TP53I3: variants seen among roughly 807,000 people sequenced by gnomAD.
TP53I3 encodes the protein quinone oxidoreductase PIG3.
In TP53I3, 32 loss-of-function variants were observed where a neutral mutation model predicts 27.7. That is an observed-to-expected ratio of 1.16 (90% CI 0.87 to 1.55). The LOEUF (loss-of-function observed/expected upper bound fraction) is 1.55. Among genes scored for constraint, TP53I3 ranks in the 40% most tolerant of loss-of-function variants. The pLI is 0.00. For synonymous variants in TP53I3, 138 were observed against 167.8 expected, an observed-to-expected ratio of 0.82 and a Z score of 1.37; for missense variants, 372 against 412.3, an observed-to-expected ratio of 0.90 and a Z score of 0.85.
In TP53I3 at chr2:24,080,956, G is replaced by T; in HGVS notation, c.482C>A (p.Thr161Asn). The change falls in exon 3 of 5, where the codon ACC (threonine) becomes AAC (asparagine). Residue 161 changes from threonine (T) to asparagine (N), a missense_variant. By Grantham distance (65) the Thr-to-Asn change is moderately conservative (BLOSUM62 0). Coordinates refer to ENST00000238721, the MANE Select transcript of TP53I3 (RefSeq NM_004881.5). This position sits in a 1 kb window ranked among gnomAD's most constrained non-coding sequence, Gnocchi z 4.7. The part of the protein sequence containing the change: ...SGVGTAAIQL[T>N]RMAGAIPLVT... ...CAGAGGAATAGCTCCAGCCATCCGG[G>T]TGAGTTGGATAGCAGCTGTGCCCAC... is the stretch of plus-strand genomic sequence containing the variant. 6.2e-7 allele frequency: 1 copy of T among 1,614,176 alleles called. No homozygotes were observed. The highest frequency in any genetic ancestry group is 1.3e-5 in the African/African-American group (1 of 75,032).
At chr2:24,083,748 A>T (rs1319335462) in intron 1 of TP53I3, among the ~76,000 whole-genome samples, 2 of 152,170 alleles carry the variant, frequency 1.3e-5, no homozygotes, top group Non-Finnish European at 2.9e-5. Context: ...CGGGACTCTC[A>T]GAGTGGAAAG....
At chr2:24,079,395 C>T in intron 4 of TP53I3, 49 bp downstream of exon 4, 1 of 1,587,870 alleles carries the variant, frequency 6.3e-7, no homozygotes, top group Non-Finnish European at 8.6e-7. Context: ...GTAAATGAAC[C>T]ACACTTTTCT....
rs768752868 is a variant in TP53I3 at position 24,082,982 on chromosome 2, T to C, written c.309A>G (p.Glu103=). The change falls in exon 2 of 5, where the codon GAA becomes GAG. Residue 103 remains glutamate, a synonymous_variant. Transcript: ENST00000238721. ...CCTCTGGGATAGGCATGAGGAGCCC[T>C]TCGGGGACAGTGACGTACTGAGCCT... ...GGQAQYVTVP[E]GLLMPIPEGL... 1 of 1,614,182 alleles carries C rather than the reference T, an allele frequency of 6.2e-7. No homozygotes were observed. Among genetic ancestry groups the C allele is most frequent in the Non-Finnish European group, 8.5e-7 (1 of 1,180,014 alleles).
chr2:24,077,836 T>C lies in TP53I3; in HGVS notation c.817-75A>G. ...GCCCTCCTCATCCTCCTCAGCCTTCTTGCTCTCTCTGAAGCCACGTATCTG... is the reference window on the plus strand; with the variant it reads ...GCCCTCCTCATCCTCCTCAGCCTTCCTGCTCTCTCTGAAGCCACGTATCTG... On this transcript the variant is annotated intron_variant, in intron 4 of 4. Coordinates refer to ENST00000238721, the MANE Select transcript of TP53I3 (RefSeq NM_004881.5). The surrounding 1 kb of genome is among the most constrained non-coding windows in gnomAD (Gnocchi z 5.5). The C allele has an allele frequency of 6.6e-7, 1 of 1,511,728 alleles. No homozygotes were observed. Among genetic ancestry groups the C allele is most frequent in the South Asian group, 1.3e-5 (1 of 79,168 alleles). The allele number at this position is 1,511,728 out of a possible 1,614,324, so 93.6% of individuals were successfully genotyped here. A position where few individuals can be genotyped will look rare whatever the true frequency, so the allele number is the denominator to read the frequency against.
Position 24,079,527 on chromosome 2 carries a change from C to G in TP53I3, c.733G>C (p.Asp245His). Residue 245 changes from aspartate to histidine, a missense_variant, in exon 4 of 5, where the codon GAC (aspartate) becomes CAC (histidine). By Grantham distance (81) the Asp-to-His change is moderately conservative (BLOSUM62 -1). Transcript: ENST00000238721. The part of the protein sequence containing the change: ...WVLYGLMGGG[D>H]INGPLFSKLL... ...TTTGAAAACAGGGGCCCATTGATGT[C>G]ACCTCCTCCCATCAGACCATAGAGA... 15 of 1,614,176 alleles carry G rather than the reference C, an allele frequency of 9.3e-6. No homozygotes were observed. Among genetic ancestry groups the G allele is most frequent in the Admixed American group, 1.7e-5 (1 of 60,016 alleles).
rs1249339420 is a variant in TP53I3 at position 24,080,984 on chromosome 2, C to A, written c.454G>T (p.Gly152Cys). ...AGTTGGATAGCAGCTGTGCCCACAC[C>A]ACTCAGTCCTGCATGGATTAGCACA... ...DYVLIHAGLS[G>C]VGTAAIQLTR... The change falls in exon 3 of 5, where the codon GGT becomes TGT. Residue 152 changes from glycine (G) to cysteine (C), a missense_variant. Transcript: ENST00000238721. The surrounding 1 kb of genome is among the most constrained non-coding windows in gnomAD (Gnocchi z 4.7). 1 of 1,614,202 alleles carries A rather than the reference C, an allele frequency of 6.2e-7. No homozygotes were observed. Among genetic ancestry groups the A allele is most frequent in the Admixed American group, 1.7e-5 (1 of 60,014 alleles).
Position 24,083,167 on chromosome 2 carries a change from G to A in TP53I3, c.139-15C>T. 1 of 1,585,118 alleles carries A rather than the reference G, an allele frequency of 6.3e-7. No individual in the cohort carries two copies. Among genetic ancestry groups the A allele is most frequent in the East Asian group, 2.3e-5 (1 of 44,310 alleles). Reference sequence around the variant, plus strand: ...TGGCCTTGTCTCTGCAGAGAAAGAAGTGCACTAAGTGGTGAGCATGATCAG... The same window carrying A: ...TGGCCTTGTCTCTGCAGAGAAAGAAATGCACTAAGTGGTGAGCATGATCAG... On this transcript the variant is annotated splice_polypyrimidine_tract_variant and intron_variant, in intron 1 of 4. Transcript: ENST00000238721.
chr2:24,077,882 T>A lies in TP53I3; in HGVS notation c.817-121A>T. 1 of 1,047,190 alleles carries A rather than the reference T, an allele frequency of 9.5e-7. No homozygotes were observed. The highest frequency in any genetic ancestry group is 1.4e-6 in the Non-Finnish European group (1 of 720,920). 64.9% of individuals were successfully genotyped at this position (1,047,190 alleles called of 1,614,324 possible). ...ATCTGAAAAAGCACACAGGGACACTTAACCCCTCACTTCCTAGCATGTGTG... is the reference window on the plus strand; with the variant it reads ...ATCTGAAAAAGCACACAGGGACACTAAACCCCTCACTTCCTAGCATGTGTG... On this transcript the variant is annotated intron_variant, in intron 4 of 4. Transcript: ENST00000238721. The surrounding 1 kb of genome is among the most constrained non-coding windows in gnomAD (Gnocchi z 5.5).
In TP53I3 at chr2:24,077,718, G is replaced by GGCA. The variant is rs778830117; in HGVS notation, c.857_859dup (p.Leu286dup). Reference sequence around the variant, plus strand: ...TTGGGGGCCCTCCGTGGAGAAGTGAGGCAGAATTTGCTCCGTGAAAGCATT... The same window carrying GGCA: ...TTGGGGGCCCTCCGTGGAGAAGTGAGGCAGCAGAATTTGCTCCGTGAAAGCATT... On this transcript the variant is annotated inframe_insertion, in exon 5 of 5. Coordinates refer to ENST00000238721, the MANE Select transcript of TP53I3 (RefSeq NM_004881.5). This position sits in a 1 kb window ranked among gnomAD's most constrained non-coding sequence, Gnocchi z 5.5. The GGCA allele has an allele frequency of 1.3e-5, 21 of 1,613,906 alleles. No homozygotes were observed. The highest frequency in any genetic ancestry group is 1.8e-5 in the Non-Finnish European group (21 of 1,179,960).
intron 2 of TP53I3, among the ~76,000 whole-genome samples, chr2:24,082,533 T>A (rs909130595): frequency 3.3e-5 from 5 of 152,224 alleles, no homozygotes; most frequent in Admixed American, 1.3e-4. Flanking sequence ...TTATGTGAGT[T>A]CTTGACTGGC....
rs954944607 is a variant in TP53I3, at chr2:24,080,576, G to T, written c.619+243C>A. ...TGCTGGATAATTCCAGACCAAGTCT[G>T]CATGGTCTAAAGTGTGGATGAATCT... On this transcript the variant is annotated intron_variant, in intron 3 of 4. Transcript: ENST00000238721. The surrounding 1 kb of genome is among the most constrained non-coding windows in gnomAD (Gnocchi z 4.7). Among the ~76,000 whole-genome samples, 12 of 152,308 alleles carry T rather than the reference G, an allele frequency of 7.9e-5. 1 individual carries two copies. The highest frequency in any genetic ancestry group is 2.9e-4 in the African/African-American group (12 of 41,564).
chr2:24,083,466 G>T (rs1665105577), intron 1 of TP53I3, among the ~76,000 whole-genome samples: 1 of 152,106 alleles, frequency 6.6e-6, no homozygotes, highest in African/African-American at 2.4e-5. Context: ...GAACCTTGAC[G>T]ATGGTTCCCA....
In TP53I3 at chr2:24,083,071, G is replaced by A. The variant is rs763458971; in HGVS notation, c.220C>T (p.Pro74Ser). 1.4e-5 allele frequency: 23 copies of A among 1,614,022 alleles called. No homozygotes were observed. Among genetic ancestry groups the A allele is most frequent in the Non-Finnish European group, 1.9e-5 (22 of 1,180,034 alleles). ...EASGHVAELG[P>S]GCQGHWKIGD... The stretch of plus-strand genomic sequence containing the variant: ...ATCTTCCAGTGTCCCTGGCAGCCAG[G>A]CCCCAGCTCTGCCACATGTCCAGAT... The change falls in exon 2 of 5, where the codon CCT (proline) becomes TCT (serine). Residue 74 changes from proline (P) to serine (S), a missense_variant. Transcript: ENST00000238721.
rs771687757 is a variant in TP53I3, at chr2:24,080,852, C to A, written c.586G>T (p.Asp196Tyr). ...AATTTCAGCGTTGCTTCAGAGAAAT[C>A]CTCTTTTTTGTAATTGAATCCAGCA... ...AAAGFNYKKE[D>Y]FSEATLKFTK... Residue 196 changes from aspartate to tyrosine, a missense_variant, in exon 3 of 5, where the codon GAT (aspartate) becomes TAT (tyrosine). Coordinates refer to ENST00000238721, the MANE Select transcript of TP53I3 (RefSeq NM_004881.5). This position sits in a 1 kb window ranked among gnomAD's most constrained non-coding sequence, Gnocchi z 4.7. 1.2e-6 allele frequency: 2 copies of A among 1,614,182 alleles called. No individual in the cohort carries two copies. Among genetic ancestry groups the A allele is most frequent in the Non-Finnish European group, 8.5e-7 (1 of 1,180,030 alleles).
At position 24,084,633 on chromosome 2, in the gene TP53I3, G is replaced by A. The variant is rs897460880; in HGVS notation, c.-307C>T. On this transcript the variant is annotated 5_prime_UTR_variant, in exon 1 of 5. Transcript: ENST00000238721. This position sits in a 1 kb window ranked among gnomAD's most constrained non-coding sequence, Gnocchi z 8.4. ...GCGGTACAGGGCTGGATGCGGCAGA[G>A]CAGGACAACGCCGAAGAGGATCAGG... 1 of 309,028 alleles carries A rather than the reference G, an allele frequency of 3.2e-6. No individual in the cohort carries two copies. The highest frequency in any genetic ancestry group is 2.2e-5 in the African/African-American group (1 of 45,942). 19.1% of individuals were successfully genotyped at this position (309,028 alleles called of 1,614,324 possible).
Position 24,084,521 on chromosome 2 carries a change from C to A in TP53I3, c.-195G>T. ...CCTGGTCTGCCGCGGACCCGGCCTC[C>A]GCCCCGAGCTCCTGCCTGGGAAGTC... On this transcript the variant is annotated 5_prime_UTR_variant, in exon 1 of 5. Coordinates refer to ENST00000238721, the MANE Select transcript of TP53I3 (RefSeq NM_004881.5). The surrounding 1 kb of genome is among the most constrained non-coding windows in gnomAD (Gnocchi z 8.4). 1.4e-6 allele frequency: 1 copy of A among 705,258 alleles called. No homozygotes were observed. The highest frequency in any genetic ancestry group is 1.9e-5 in the African/African-American group (1 of 52,898). The allele number at this position is 705,258 out of a possible 1,614,324, so 43.7% of individuals were successfully genotyped here.
intron 4 of TP53I3, among the ~76,000 whole-genome samples, chr2:24,078,502 A>G (rs1335942405): frequency 1.3e-5 from 2 of 148,350 alleles, no homozygotes; most frequent in African/African-American, 2.5e-5. Flanking sequence ...AAAAAAAAAA[A>G]AGTACATGCT....
chr2:24,082,185 A>G (rs1211147848), intron 2 of TP53I3, among the ~76,000 whole-genome samples: 1 of 152,142 alleles, frequency 6.6e-6, no homozygotes, highest in East Asian at 1.9e-4. Flanking sequence ...TTGTAGAAAC[A>G]GGGTTTCGCC....
chr2:24,082,117 T>A (rs1048984198), intron 2 of TP53I3, among the ~76,000 whole-genome samples: 18 of 152,154 alleles, frequency 1.2e-4, no homozygotes, highest in Non-Finnish European at 2.1e-4. Flanking sequence ...CAACTCAGCC[T>A]CCTGAGTAAC....
Sources: allele counts gnomAD v4.1 joint callset (sites outside exome capture counted in the v4.1 genomes callset), GRCh38; gene constraint gnomAD v4.1.1; non-coding constraint Gnocchi (gnomAD v3.1); transcripts MANE v1.5; gene names NCBI Gene and HGNC (gene_info 2026-07-23, HGNC 2026-07-21).